The following WWOX variants were observed in gnomAD, a reference collection of about 807,000 sequenced individuals.
WWOX encodes WW domain containing oxidoreductase.
WWOX carries 69 observed loss-of-function variants against 46.2 expected under a neutral mutation model. That is an observed-to-expected ratio of 1.49 (90% confidence interval 1.23 to 1.82). The LOEUF is 1.82. Among genes scored for constraint, WWOX ranks in the 40% most tolerant of loss-of-function variants. WWOX has a pLI of 0.00. For missense variants in WWOX, 919 were observed against 542.6 expected (o/e 1.69, Z -6.89); for synonymous variants, 359 against 202.6 (o/e 1.77, Z -6.56).
At chr16:78,881,121 G>C (rs145089825) in intron 8 of WWOX, among the ~76,000 whole-genome samples, 1,569 of 151,756 alleles carry the variant, frequency 0.01, 22 homozygotes, top group Middle Eastern at 0.017. Flanking sequence ...CCTCCCAAGG[G>C]AGCTGGGACC....
intron 5 of WWOX, among the ~76,000 whole-genome samples, chr16:78,279,495 A>T (rs2079638978): frequency 1.3e-5 from 2 of 152,300 alleles, no homozygotes; most frequent in Admixed American, 1.3e-4. Context: ...TACCCTAAGA[A>T]ATCAATTTCA....
At chr16:78,517,815 A>G (rs1216715696) in intron 8 of WWOX, among the ~76,000 whole-genome samples, 1 of 150,866 alleles carries the variant, frequency 6.6e-6, no homozygotes, top group African/African-American at 2.4e-5. Context: ...GTTTTATATA[A>G]CAAGAAGTGA....
chr16:78,812,705 G>A (rs1597655162), intron 8 of WWOX, among the ~76,000 whole-genome samples: 1 of 151,696 alleles, frequency 6.6e-6, no homozygotes, highest in South Asian at 2.1e-4. Flanking sequence ...CAGCCTGGGT[G>A]ACAGAATGAG....
chr16:78,178,738 G>T (rs113591018), intron 5 of WWOX, among the ~76,000 whole-genome samples: 2,263 of 152,006 alleles, frequency 0.015, 44 homozygotes, highest in African/African-American at 0.038. Context: ...TTGGCGCATG[G>T]CTATAATCCC....
intron 6 of WWOX, among the ~76,000 whole-genome samples, chr16:78,387,259 A>T (rs577351370): frequency 6.6e-6 from 1 of 152,338 alleles, no homozygotes; most frequent in East Asian, 1.9e-4. Flanking sequence ...GATTTTTTGT[A>T]GTGCATTTCA....
At chr16:78,677,377 A>G (rs974802636) in intron 8 of WWOX, among the ~76,000 whole-genome samples, 1 of 152,178 alleles carries the variant, frequency 6.6e-6, no homozygotes, top group Non-Finnish European at 1.5e-5. Flanking sequence ...TTTAAATAAA[A>G]TTTTGGCCTG....
At chr16:78,652,847 G>C (rs1297820935) in intron 8 of WWOX, among the ~76,000 whole-genome samples, 2 of 152,066 alleles carry the variant, frequency 1.3e-5, no homozygotes. Context: ...TTATATGATT[G>C]GACCCAGGCA....
At chr16:78,563,271 A>G (rs908311742) in intron 8 of WWOX, among the ~76,000 whole-genome samples, 54 of 152,174 alleles carry the variant, frequency 3.5e-4, no homozygotes, top group African/African-American at 1.3e-3. Context: ...TTTCCTGTGT[A>G]TGGGGTAAGT....
chr16:78,717,491 G>A (rs2050128725), intron 8 of WWOX, among the ~76,000 whole-genome samples: 1 of 152,204 alleles, frequency 6.6e-6, no homozygotes, highest in Non-Finnish European at 1.5e-5. Flanking sequence ...GTCAACAAAT[G>A]TGTATTAAGT....
At chr16:78,482,697 A>G (rs977979144) in intron 8 of WWOX, among the ~76,000 whole-genome samples, 1 of 152,190 alleles carries the variant, frequency 6.6e-6, no homozygotes, top group Non-Finnish European at 1.5e-5. Context: ...GAAGTAATCA[A>G]CTGGGTGTTA....
chr16:78,160,079 CTT>C (rs1389645555), intron 4 of WWOX, among the ~76,000 whole-genome samples: 3 of 151,844 alleles, frequency 2.0e-5, no homozygotes, highest in Non-Finnish European at 4.4e-5. Flanking sequence ...CTCCTTTCTC[CTT>C]TTATTTCCAT....
At chr16:78,539,188 T>G (rs774475922) in intron 8 of WWOX, among the ~76,000 whole-genome samples, 8 of 152,252 alleles carry the variant, frequency 5.3e-5, no homozygotes, top group Non-Finnish European at 1.2e-4. Flanking sequence ...GCATGACACA[T>G]AGTAATTGCT....
intron 8 of WWOX, among the ~76,000 whole-genome samples, chr16:78,962,066 G>T (rs1247673227): frequency 1.3e-5 from 2 of 152,066 alleles, no homozygotes; most frequent in South Asian, 2.1e-4. Flanking sequence ...GATCCAGTGG[G>T]TTGGGCCATA....
In WWOX at chr16:79,191,820, A is replaced by G. The variant is rs182390093; in HGVS notation, c.1057-19788A>G. Among the ~76,000 whole-genome samples the G allele has an allele frequency of 1.4e-3, 213 of 152,338 alleles. 1 individual carries two copies. The highest frequency in any genetic ancestry group is 5.0e-3 in the South Asian group (24 of 4,828). On this transcript the variant is annotated intron_variant, in intron 8 of 8. Transcript: ENST00000566780. Reference sequence around the variant, plus strand: ...TCTATTTAAAAAAATCATAGCGTCTAGGGGATATACACTTCTAAGCCCATT... The same window carrying G: ...TCTATTTAAAAAAATCATAGCGTCTGGGGGATATACACTTCTAAGCCCATT...
chr16:78,826,742 G>A (rs951707361), intron 8 of WWOX, among the ~76,000 whole-genome samples: 2 of 152,130 alleles, frequency 1.3e-5, no homozygotes, highest in Non-Finnish European at 2.9e-5. Flanking sequence ...TGCCTTTTTG[G>A]AGGCCACCAT....
At chr16:78,706,068 T>TTTG (rs1213020682) in intron 8 of WWOX, among the ~76,000 whole-genome samples, 1 of 150,516 alleles carries the variant, frequency 6.6e-6, no homozygotes, top group Non-Finnish European at 1.5e-5. Context: ...GTTTTTTTTT[T>TTTG]TTTTTTTTTT....
chr16:78,150,598 G>C (rs1451287064), intron 4 of WWOX, among the ~76,000 whole-genome samples: 1 of 152,128 alleles, frequency 6.6e-6, no homozygotes, highest in Non-Finnish European at 1.5e-5. Flanking sequence ...ACCCAGGCTG[G>C]TCTTGAACTC....
At chr16:79,061,020 C>G (rs766712382) in intron 8 of WWOX, among the ~76,000 whole-genome samples, 1 of 152,140 alleles carries the variant, frequency 6.6e-6, no homozygotes, top group Non-Finnish European at 1.5e-5. Flanking sequence ...GCAGAACATT[C>G]AGACTGGAAT....
intron 8 of WWOX, among the ~76,000 whole-genome samples, chr16:79,131,466 T>C (rs13331974): frequency 2.6e-5 from 4 of 152,028 alleles, no homozygotes; most frequent in South Asian, 2.1e-4. Context: ...CATACTCTTA[T>C]GCAATTTATG....
Sources: allele counts gnomAD v4.1 joint callset (sites outside exome capture counted in the v4.1 genomes callset), GRCh38; gene constraint gnomAD v4.1.1; transcripts MANE v1.5; gene names NCBI Gene and HGNC (gene_info 2026-07-23, HGNC 2026-07-21).